Variants in CDH20 observed in about 807,000 individuals in gnomAD.
CDH20 encodes cadherin 20.
CDH20 carries 29 observed loss-of-function variants against 74.2 expected under a neutral mutation model. The observed-to-expected ratio is 0.39, with a 90% CI of 0.29 to 0.53. The LOEUF is 0.53. Among genes scored for constraint, CDH20 ranks in the 20% least tolerant of loss-of-function variants. The probability of loss-of-function intolerance (pLI) is 0.69; values close to 1 mark genes in which losing one functional copy is unlikely to be tolerated. For synonymous variants in CDH20, 469 were observed against 405.4 expected, an observed-to-expected ratio of 1.16 and a Z score of -1.88; for missense variants, 988 against 1,048.3, an observed-to-expected ratio of 0.94 and a Z score of 0.79.
intron 1 of CDH20, among the ~76,000 whole-genome samples, chr18:61,461,347 A>C (rs1599100662): frequency 1.4e-5 from 2 of 144,682 alleles, no homozygotes; most frequent in African/African-American, 5.4e-5. Flanking sequence ...AAAAAAAAAA[A>C]ACCAGAAATT....
intron 8 of CDH20, among the ~76,000 whole-genome samples, chr18:61,538,614 G>GTTT (rs541920246): frequency 5.2e-5 from 3 of 57,550 alleles, no homozygotes; most frequent in African/African-American, 1.1e-4. Flanking sequence ...TTTTGTTTTT[G>GTTT]TTTTTGTTTT....
intron 1 of CDH20, among the ~76,000 whole-genome samples, chr18:61,432,771 C>T (rs1295421141): frequency 6.6e-6 from 1 of 152,118 alleles, no homozygotes; most frequent in Non-Finnish European, 1.5e-5. Flanking sequence ...CTCTCCCTTC[C>T]CTTTTCCTTC....
At chr18:61,425,420 G>C (rs990045279) in intron 1 of CDH20, among the ~76,000 whole-genome samples, 1 of 152,170 alleles carries the variant, frequency 6.6e-6, no homozygotes, top group African/African-American at 2.4e-5. Flanking sequence ...GGCTGAGGGG[G>C]CAGAGGCATG....
intron 5 of CDH20, among the ~76,000 whole-genome samples, chr18:61,504,171 A>G (rs2144324709): frequency 6.6e-6 from 1 of 152,360 alleles, no homozygotes; most frequent in Admixed American, 6.5e-5. Flanking sequence ...AGAGGGAGAC[A>G]TAAAGAAAGG....
chr18:61,431,171 C>A (rs1913239270), intron 1 of CDH20, among the ~76,000 whole-genome samples: 1 of 152,130 alleles, frequency 6.6e-6, no homozygotes. Flanking sequence ...TGCAACCTCC[C>A]CTTCCACAGT....
At chr18:61,383,909 G>A (rs1353681967) in intron 1 of CDH20, among the ~76,000 whole-genome samples, 2 of 152,116 alleles carry the variant, frequency 1.3e-5, no homozygotes, top group African/African-American at 4.8e-5. Context: ...AACGGGACAT[G>A]ATTCAAATGT....
At chr18:61,404,978 G>A in intron 1 of CDH20, 1 of 709,550 alleles carries the variant, frequency 1.4e-6, no homozygotes. Context: ...CAATATTATT[G>A]CCACTGTAGT....
intron 1 of CDH20, among the ~76,000 whole-genome samples, chr18:61,442,742 C>T (rs1167175999): frequency 1.3e-5 from 2 of 152,100 alleles, no homozygotes; most frequent in African/African-American, 4.8e-5. Flanking sequence ...GATCATTGAA[C>T]CATTAGAAAC....
chr18:61,410,735 C>T (rs1912466910), intron 1 of CDH20, among the ~76,000 whole-genome samples: 1 of 152,150 alleles, frequency 6.6e-6, no homozygotes, highest in Non-Finnish European at 1.5e-5. Flanking sequence ...CTCCTTTTAC[C>T]ATCAAGCAAA....
At position 61,353,943 on chromosome 18, in the gene CDH20, C is replaced by T. The variant is rs1339892558; in HGVS notation, c.-153+20116C>T. Among the ~76,000 whole-genome samples the T allele has an allele frequency of 6.6e-6, 1 of 151,542 alleles. No homozygotes were observed. Among genetic ancestry groups the T allele is most frequent in the Non-Finnish European group, 1.5e-5 (1 of 67,920 alleles). On this transcript the variant is annotated intron_variant, in intron 1 of 11. Transcript: ENST00000262717. This position sits in a 1 kb window ranked among gnomAD's most constrained non-coding sequence, Gnocchi z 4.6. ...CCAAAAATACAAAATATTAGTTGGG[C>T]ATGGTGGCGTGCACCTGTGGTCCCA...
intron 9 of CDH20, among the ~76,000 whole-genome samples, chr18:61,541,604 C>A (rs1913041543): frequency 6.6e-6 from 1 of 152,144 alleles, no homozygotes; most frequent in Admixed American, 6.6e-5. Flanking sequence ...CATTTGTCAC[C>A]TTTAGGCCAA....
intron 6 of CDH20, among the ~76,000 whole-genome samples, chr18:61,515,998 A>T (rs1053611494): frequency 5.9e-5 from 9 of 152,204 alleles, no homozygotes; most frequent in Non-Finnish European, 1.3e-4. Flanking sequence ...CAATGTGTAG[A>T]ACTCCCCTAA....
intron 1 of CDH20, chr18:61,334,417 C>G (rs1363651883): frequency 2.0e-5 from 3 of 152,380 alleles, no homozygotes; most frequent in Admixed American, 6.5e-5. Flanking sequence ...CGAGTCCCCG[C>G]CACCTGCCGG....
At chr18:61,339,928 A>G (rs557764174) in intron 1 of CDH20, among the ~76,000 whole-genome samples, 6 of 151,724 alleles carry the variant, frequency 4.0e-5, no homozygotes, top group East Asian at 1.9e-4. Context: ...CTGACCTCGT[A>G]ATCCGCCCGC....
chr18:61,521,029 C>A (rs2144357736), intron 6 of CDH20, among the ~76,000 whole-genome samples: 1 of 150,812 alleles, frequency 6.6e-6, no homozygotes, highest in East Asian at 1.9e-4. Flanking sequence ...GAAGCAAGAG[C>A]AAATAAATTC....
chr18:61,435,217 C>T (rs1307316467), intron 1 of CDH20, among the ~76,000 whole-genome samples: 2 of 152,088 alleles, frequency 1.3e-5, no homozygotes, highest in Non-Finnish European at 1.5e-5. Flanking sequence ...TTACTATCTC[C>T]GTGATCTTGA....
intron 6 of CDH20, among the ~76,000 whole-genome samples, chr18:61,512,605 C>A (rs1157065165): frequency 1.3e-5 from 2 of 152,092 alleles, no homozygotes. Flanking sequence ...TGTTTCCATG[C>A]CATTCTCCCT....
intron 11 of CDH20, among the ~76,000 whole-genome samples, chr18:61,553,009 C>T (rs1485108461): frequency 6.6e-6 from 1 of 152,170 alleles, no homozygotes; most frequent in East Asian, 1.9e-4. Flanking sequence ...ATGAGCGTAT[C>T]ATCGTTTCCT....
At chr18:61,444,832 T>A (rs553437848) in intron 1 of CDH20, among the ~76,000 whole-genome samples, 1 of 152,212 alleles carries the variant, frequency 6.6e-6, no homozygotes, top group South Asian at 2.1e-4. Flanking sequence ...CTCCATAATT[T>A]CAAATTCATT....
Sources: allele counts gnomAD v4.1 joint callset (sites outside exome capture counted in the v4.1 genomes callset), GRCh38; gene constraint gnomAD v4.1.1; non-coding constraint Gnocchi (gnomAD v3.1); transcripts MANE v1.5; gene names NCBI Gene and HGNC (gene_info 2026-07-23, HGNC 2026-07-21).